CNIH3: variants seen among roughly 807,000 people sequenced by gnomAD.
The protein encoded by CNIH3 is cornichon family AMPA receptor auxiliary protein 3.
In CNIH3, 14 loss-of-function variants were observed where a neutral mutation model predicts 24.1. That is an observed-to-expected ratio of 0.58 (90% confidence interval 0.38 to 0.91). CNIH3 has a LOEUF of 0.91. Ranked by LOEUF, CNIH3 falls within the 40% of genes least tolerant of loss-of-function variation. CNIH3 has a pLI of 0.00. For missense variants in CNIH3, 178 were observed against 196.8 expected, an observed-to-expected ratio of 0.90 and a Z score of 0.57; for synonymous variants, 68 against 73.8, an observed-to-expected ratio of 0.92 and a Z score of 0.40.
At chr1:224,476,940 G>C (rs1676611109) in intron 1 of CNIH3, among the ~76,000 whole-genome samples, 1 of 152,222 alleles carries the variant, frequency 6.6e-6, no homozygotes, top group African/African-American at 2.4e-5. Context: ...GGTACAGGTT[G>C]CTAGGGAACT....
chr1:224,488,895 C>T (rs1677135814), intron 1 of CNIH3, among the ~76,000 whole-genome samples: 1 of 152,118 alleles, frequency 6.6e-6, no homozygotes, highest in Non-Finnish European at 1.5e-5. Flanking sequence ...GTGTATTTCC[C>T]AAGCGCATTT....
chr1:224,579,955 A>G (rs1681202423), intron 4 of CNIH3, among the ~76,000 whole-genome samples: 2 of 152,188 alleles, frequency 1.3e-5, no homozygotes, highest in Admixed American at 6.5e-5. Context: ...ACACAAACGG[A>G]CAAAGACAGA....
intron 3 of CNIH3, among the ~76,000 whole-genome samples, chr1:224,555,579 G>A (rs1206781705): frequency 6.6e-6 from 1 of 152,172 alleles, no homozygotes. Flanking sequence ...TTCAATTCCT[G>A]TGATTTCTCA....
intron 3 of CNIH3, among the ~76,000 whole-genome samples, chr1:224,609,554 G>A (rs773204552): frequency 5.3e-5 from 8 of 152,216 alleles, no homozygotes; most frequent in Non-Finnish European, 7.3e-5. Context: ...ACAGGGCTTG[G>A]CTGGGAAGCA....
chr1:224,667,651 G>T (rs1417918311), intron 1 of CNIH3, among the ~76,000 whole-genome samples: 1 of 152,076 alleles, frequency 6.6e-6, no homozygotes, highest in Non-Finnish European at 1.5e-5. Flanking sequence ...TAGAAAGCTG[G>T]ATTCTGCCAA....
At chr1:224,471,131 T>C (rs1161727601) in intron 1 of CNIH3, among the ~76,000 whole-genome samples, 1 of 152,134 alleles carries the variant, frequency 6.6e-6, no homozygotes, top group African/African-American at 2.4e-5. Flanking sequence ...CACTGCAAGC[T>C]GGGTTCAAGT....
chr1:224,547,639 G>T (rs1679753836), intron 3 of CNIH3, among the ~76,000 whole-genome samples: 1 of 150,432 alleles, frequency 6.6e-6, no homozygotes, highest in African/African-American at 2.4e-5. Flanking sequence ...GATATTATTT[G>T]TAATATCTAA....
chr1:224,706,199 A>G (rs543446198), intron 3 of CNIH3, among the ~76,000 whole-genome samples: 17 of 152,246 alleles, frequency 1.1e-4, no homozygotes, highest in African/African-American at 4.1e-4. Flanking sequence ...CCAGGTTACA[A>G]TAATAGAATA....
At chr1:224,706,815 A>G (rs535315868) in intron 3 of CNIH3, among the ~76,000 whole-genome samples, 13 of 152,148 alleles carry the variant, frequency 8.5e-5, no homozygotes, top group Admixed American at 6.5e-4. Context: ...GATACCATTC[A>G]CCTTTATTTC....
At chr1:224,652,485 G>A (rs1684903933) in intron 1 of CNIH3, among the ~76,000 whole-genome samples, 1 of 152,164 alleles carries the variant, frequency 6.6e-6, no homozygotes, top group South Asian at 2.1e-4. Context: ...GCCGTCAGCT[G>A]GACTCTAGCC....
chr1:224,473,604 A>G (rs1463333057), intron 1 of CNIH3, among the ~76,000 whole-genome samples: 4 of 152,212 alleles, frequency 2.6e-5, no homozygotes, highest in Admixed American at 1.3e-4. Context: ...GGATATAACA[A>G]TTATCAATAT....
chr1:224,486,421 C>A (rs758542133), intron 1 of CNIH3, among the ~76,000 whole-genome samples: 4 of 152,110 alleles, frequency 2.6e-5, no homozygotes, highest in Admixed American at 6.5e-5. Context: ...TATGCATAGT[C>A]CTTAAGTGCA....
chr1:224,692,492 A>G (rs558985286), intron 3 of CNIH3, among the ~76,000 whole-genome samples: 4 of 152,334 alleles, frequency 2.6e-5, no homozygotes, highest in African/African-American at 9.6e-5. Flanking sequence ...CGTAAACTCA[A>G]AGGCAGTTGT....
chr1:224,681,016 C>T lies in CNIH3; in HGVS notation c.140C>T (p.Pro47Leu). Residue 47 changes from proline (P) to leucine (L), a missense_variant, in exon 2 of 6, where the codon CCT becomes CTT. By Grantham distance (98) the Pro-to-Leu change is moderately conservative. Transcript: ENST00000272133. The part of the protein sequence containing the change: ...DFKSPIDQCN[P>L]VHARERLRNI... ...AAGAGCCCCATAGACCAGTGCAATC[C>T]TGTTCATGCGGTAAGTGGCGGGTAC... 1 of 1,614,046 alleles carries T rather than the reference C, an allele frequency of 6.2e-7. No individual in the cohort carries two copies. The highest frequency in any genetic ancestry group is 8.5e-7 in the Non-Finnish European group (1 of 1,179,890).
intron 2 of CNIH3, among the ~76,000 whole-genome samples, chr1:224,536,258 T>C (rs985551142): frequency 1.4e-4 from 21 of 149,530 alleles, no homozygotes; most frequent in Non-Finnish European, 2.2e-4. Flanking sequence ...TTTTTAATTG[T>C]GGGAAATAGC....
At chr1:224,725,448 A>G (rs544972861) in intron 3 of CNIH3, among the ~76,000 whole-genome samples, 14 of 152,202 alleles carry the variant, frequency 9.2e-5, no homozygotes, top group Non-Finnish European at 1.9e-4. Flanking sequence ...GCTTTGAGAC[A>G]CTGGGCTAAT....
chr1:224,576,613 T>C (rs530676111), intron 4 of CNIH3, among the ~76,000 whole-genome samples: 6 of 152,376 alleles, frequency 3.9e-5, no homozygotes, highest in African/African-American at 1.2e-4. Flanking sequence ...TCTTATGACC[T>C]ATGTAAATGC....
intron 1 of CNIH3, among the ~76,000 whole-genome samples, chr1:224,679,114 G>A (rs1686275534): frequency 1.3e-5 from 2 of 151,834 alleles, no homozygotes; most frequent in South Asian, 4.1e-4. Context: ...TTTATTTCAA[G>A]TATTTAAAAA....
chr1:224,574,533 G>T, intron 4 of CNIH3: 1 of 721,304 alleles, frequency 1.4e-6, no homozygotes, highest in East Asian at 2.5e-5. Context: ...GGCTGTGAAG[G>T]TGGCCATTAA....
Sources: gnomAD v4.1 joint callset for allele counts (sites outside exome capture counted in the v4.1 genomes callset) on GRCh38, gnomAD v4.1.1 for gene constraint, MANE v1.5 for transcripts, NCBI Gene and HGNC (gene_info 2026-07-23, HGNC 2026-07-21) for gene names.